Variants in ST18 observed in about 807,000 individuals in gnomAD.
ST18 encodes the protein suppression of tumorigenicity 18 protein.
A neutral mutation model predicts 110.0 loss-of-function variants in ST18; 50 were observed. That is an observed-to-expected ratio of 0.45 (90% CI 0.36 to 0.58). ST18 has a LOEUF of 0.58. Among genes scored for constraint, ST18 ranks in the 20% least tolerant of loss-of-function variants. The probability of loss-of-function intolerance (pLI) is 0.00; values close to 1 mark genes in which losing one functional copy is unlikely to be tolerated. For synonymous variants in ST18, 461 were observed against 452.4 expected, an observed-to-expected ratio of 1.02 and a Z score of -0.24; for missense variants, 1,306 against 1,280.1, an observed-to-expected ratio of 1.02 and a Z score of -0.31.
At chr8:52,147,223 T>C (rs1265479132) in intron 16 of ST18, among the ~76,000 whole-genome samples, 1 of 152,180 alleles carries the variant, frequency 6.6e-6, no homozygotes, top group African/African-American at 2.4e-5. Flanking sequence ...CTGTCCCAGA[T>C]ATATATGCAT....
At chr8:52,214,106 G>T in intron 7 of ST18, 97 bp downstream of exon 7, 1 of 1,315,578 alleles carries the variant, frequency 7.6e-7, no homozygotes, top group Non-Finnish European at 1.1e-6. Context: ...TGAGGAAGTT[G>T]TAATCATTCT....
At chr8:52,145,057 T>A (rs2056765489) in intron 16 of ST18, among the ~76,000 whole-genome samples, 1 of 92,570 alleles carries the variant, frequency 1.1e-5, no homozygotes, top group Non-Finnish European at 2.2e-5. Flanking sequence ...AGATGCTGAT[T>A]TTTTTTTTTT....
rs745654770 is a variant in ST18, at chr8:52,180,332, T to C, written c.87-20A>G. On this transcript the variant is annotated intron_variant, in intron 8 of 25. Transcript: ENST00000689386. ...GCAACACTGTAGTGATTGAGGAAAA[T>C]TAAGAATATGGTAAATTAGCATTTA... 2 of 1,612,542 alleles carry C rather than the reference T, an allele frequency of 1.2e-6. No individual in the cohort carries two copies. Among genetic ancestry groups the C allele is most frequent in the Non-Finnish European group, 1.7e-6 (2 of 1,179,028 alleles).
intron 2 of ST18, among the ~76,000 whole-genome samples, chr8:52,326,605 A>AT (rs1806545328): frequency 6.6e-6 from 1 of 152,224 alleles, no homozygotes; most frequent in Non-Finnish European, 1.5e-5. Flanking sequence ...CTGTATCACC[A>AT]TAACAATGCA....
intron 2 of ST18, among the ~76,000 whole-genome samples, chr8:52,298,326 C>CA (rs2095664881): frequency 6.6e-6 from 1 of 152,092 alleles, no homozygotes; most frequent in South Asian, 2.1e-4. Context: ...ATGACACATT[C>CA]AAAGCATGGA....
At chr8:52,352,281 A>G (rs896821387) in intron 2 of ST18, among the ~76,000 whole-genome samples, 1 of 152,192 alleles carries the variant, frequency 6.6e-6, no homozygotes, top group Non-Finnish European at 1.5e-5. Context: ...CAAGACCACA[A>G]GCCCCAGCTT....
At chr8:52,365,893 G>A (rs777209078) in intron 2 of ST18, among the ~76,000 whole-genome samples, 38 of 151,112 alleles carry the variant, frequency 2.5e-4, no homozygotes, top group Non-Finnish European at 4.3e-4. Context: ...AGAGATAGGG[G>A]TCTCACTCTG....
intron 2 of ST18, among the ~76,000 whole-genome samples, chr8:52,372,209 G>A (rs1830508061): frequency 1.3e-5 from 2 of 151,920 alleles, no homozygotes; most frequent in South Asian, 4.1e-4. Flanking sequence ...TAACAAAAAA[G>A]TTTTTAAAAT....
At chr8:52,276,934 T>G (rs1336313996) in intron 2 of ST18, among the ~76,000 whole-genome samples, 7 of 152,038 alleles carry the variant, frequency 4.6e-5, no homozygotes. Flanking sequence ...GCCCAGCTAA[T>G]TTTTGTATTT....
chr8:52,289,573 A>G (rs2095522661), intron 2 of ST18, among the ~76,000 whole-genome samples: 1 of 152,188 alleles, frequency 6.6e-6, no homozygotes, highest in Admixed American at 6.5e-5. Context: ...CAGTGTCATG[A>G]GGATTTTGAT....
intron 2 of ST18, among the ~76,000 whole-genome samples, chr8:52,383,188 A>C (rs1050217349): frequency 1.3e-5 from 2 of 152,128 alleles, no homozygotes; most frequent in African/African-American, 4.8e-5. Context: ...CTTCAAATTA[A>C]CTTTATTAGA....
chr8:52,312,151 C>T (rs908390062), intron 2 of ST18, among the ~76,000 whole-genome samples: 1 of 152,104 alleles, frequency 6.6e-6, no homozygotes, highest in Admixed American at 6.5e-5. Context: ...TAGACAGTTG[C>T]TGAAACAGGC....
At chr8:52,344,545 G>A (rs1010524696) in intron 2 of ST18, among the ~76,000 whole-genome samples, 2 of 151,794 alleles carry the variant, frequency 1.3e-5, no homozygotes, top group African/African-American at 4.8e-5. Flanking sequence ...GGATTACGGG[G>A]GCCCACCACC....
chr8:52,222,635 T>C (rs917374312), intron 3 of ST18, among the ~76,000 whole-genome samples: 4 of 152,190 alleles, frequency 2.6e-5, no homozygotes, highest in African/African-American at 9.7e-5. Flanking sequence ...TCTCCATCCA[T>C]GTGTCTATCA....
chr8:52,382,546 T>A (rs1834957585), intron 2 of ST18, among the ~76,000 whole-genome samples: 1 of 152,236 alleles, frequency 6.6e-6, no homozygotes, highest in South Asian at 2.1e-4. Flanking sequence ...ATTCTTTTTG[T>A]ATAGCAGAAC....
intron 19 of ST18, among the ~76,000 whole-genome samples, chr8:52,133,524 T>A (rs577225508): frequency 1.3e-5 from 2 of 152,140 alleles, no homozygotes; most frequent in East Asian, 3.9e-4. Context: ...TGGTTAATAA[T>A]CAATTTAAAT....
chr8:52,178,883 A>G (rs1164169078), intron 9 of ST18, among the ~76,000 whole-genome samples: 12 of 152,066 alleles, frequency 7.9e-5, no homozygotes. Context: ...TCTATTTTCA[A>G]GCCAGTATTA....
Position 52,111,807 on chromosome 8 carries a change from AT to A in ST18, c.*1390del, listed in dbSNP as rs541366511. On this transcript the variant is annotated 3_prime_UTR_variant, in exon 26 of 26. Coordinates refer to ENST00000689386, the MANE Select transcript of ST18 (RefSeq NM_001352837.2). ...TGTCTATACCTTTTCCTTAAAAAAAATAAATATAAAAAAACTTTTGAAACAA... is the reference window on the plus strand; with the variant it reads ...TGTCTATACCTTTTCCTTAAAAAAAAAAATATAAAAAAACTTTTGAAACAA... 7 of 152,652 alleles carry A rather than the reference AT, an allele frequency of 4.6e-5. No individual in the cohort carries two copies. Among genetic ancestry groups the A allele is most frequent in the Admixed American group, 1.3e-4 (2 of 15,272 alleles). 9.5% of individuals were successfully genotyped at this position (152,652 alleles called of 1,614,324 possible). A position where few individuals can be genotyped will look rare whatever the true frequency, so the allele number is the denominator to read the frequency against.
chr8:52,206,987 C>T (rs962507838), intron 8 of ST18, among the ~76,000 whole-genome samples: 3 of 152,064 alleles, frequency 2.0e-5, no homozygotes, highest in Non-Finnish European at 4.4e-5. Context: ...CTTTAGTTAT[C>T]ACCTCCAGGA....
Sources: allele counts gnomAD v4.1 joint callset (sites outside exome capture counted in the v4.1 genomes callset), GRCh38; gene constraint gnomAD v4.1.1; transcripts MANE v1.5; gene names NCBI Gene and HGNC (gene_info 2026-07-23, HGNC 2026-07-21).